Variants in RELN observed in about 807,000 individuals in gnomAD.
RELN encodes the protein reelin.
RELN carries 108 observed loss-of-function variants against 427.6 expected under a neutral mutation model. That is an observed-to-expected ratio of 0.25 (90% CI 0.22 to 0.30). The LOEUF is 0.30. Among genes scored for constraint, RELN ranks in the 10% least tolerant of loss-of-function variants. The pLI, the probability that RELN is intolerant of heterozygous loss-of-function variation, is 1.00. For synonymous variants in RELN, 1,524 were observed against 1,513.4 expected (o/e 1.01, Z -0.16); for missense variants, 3,715 against 4,302.8 (o/e 0.86, Z 3.82).
At chr7:103,786,278 T>A (rs974290263) in intron 3 of RELN, among the ~76,000 whole-genome samples, 1 of 151,946 alleles carries the variant, frequency 6.6e-6, no homozygotes, top group African/African-American at 2.4e-5. Flanking sequence ...CATATACCCT[T>A]GTAGTTTTTA....
intron 8 of RELN, among the ~76,000 whole-genome samples, chr7:103,718,392 T>C (rs554262332): frequency 6.7e-6 from 1 of 150,190 alleles, no homozygotes; most frequent in African/African-American, 2.4e-5. Flanking sequence ...GTTTAGGACA[T>C]CTGTAAGTAA....
rs146891531 is a variant in RELN, at chr7:103,899,248, G to C, written c.337+17827C>G. On this transcript the variant is annotated intron_variant, in intron 2 of 64. Coordinates refer to ENST00000428762, the MANE Select transcript of RELN (RefSeq NM_005045.4). ...CCTCCCAAGACTAAACCAGGAAGAAGTAGAATCCCTGAATAAACCACAAAC... is the reference window on the plus strand; with the variant it reads ...CCTCCCAAGACTAAACCAGGAAGAACTAGAATCCCTGAATAAACCACAAAC... 2.1e-3 allele frequency among the ~76,000 whole-genome samples: 317 copies of C among 152,150 alleles called. 1 individual carries two copies. Among genetic ancestry groups the C allele is most frequent in the African/African-American group, 6.9e-3 (286 of 41,514 alleles).
chr7:103,659,435 C>T (rs529302892), intron 12 of RELN, among the ~76,000 whole-genome samples: 28 of 152,214 alleles, frequency 1.8e-4, no homozygotes, highest in Admixed American at 1.7e-3. Flanking sequence ...TTTCTAGTTC[C>T]ATCTTACGTG....
chr7:103,668,013 T>C (rs1269631630), intron 11 of RELN, among the ~76,000 whole-genome samples: 4 of 152,204 alleles, frequency 2.6e-5, no homozygotes, highest in Non-Finnish European at 4.4e-5. Flanking sequence ...GCGGATCACT[T>C]GAGGCCAGGA....
At chr7:103,591,401 T>TTA (rs1347165959) in intron 27 of RELN, among the ~76,000 whole-genome samples, 3 of 152,194 alleles carry the variant, frequency 2.0e-5, no homozygotes, top group Non-Finnish European at 2.9e-5. Context: ...TAAGGCAGCT[T>TTA]TATCTAGTTT....
chr7:103,524,631 C>T (rs988700276), intron 46 of RELN, among the ~76,000 whole-genome samples: 8 of 152,044 alleles, frequency 5.3e-5, no homozygotes, highest in African/African-American at 1.9e-4. Flanking sequence ...ATTAAGAGAC[C>T]GTTAATCATT....
Position 103,819,461 on chromosome 7 carries a change from A to G in RELN, c.473+14076T>C, listed in dbSNP as rs568170457. The stretch of plus-strand genomic sequence containing the variant: ...CCAGATATAATACAACCCTTGGATT[A>G]AACAACTTAACTGTTTAAATAAAAG... On this transcript the variant is annotated intron_variant, in intron 3 of 64. Coordinates refer to ENST00000428762, the MANE Select transcript of RELN (RefSeq NM_005045.4). 9.2e-5 allele frequency among the ~76,000 whole-genome samples: 14 copies of G among 152,224 alleles called. No individual in the cohort carries two copies. In the South Asian group the frequency reaches 2.1e-3, roughly 23 times the overall value.
rs549566696 is a variant in RELN, at chr7:103,749,353, G to A, written c.656+73C>T. On this transcript the variant is annotated intron_variant, in intron 6 of 64. Coordinates refer to ENST00000428762, the MANE Select transcript of RELN (RefSeq NM_005045.4). The stretch of plus-strand genomic sequence containing the variant: ...AAGATCAACTTAATTTTAAGTAACT[G>A]CTCCTTAAAGGAGCAGTCAGCATCA... 2,329 of 1,143,802 alleles carry A rather than the reference G, an allele frequency of 2.0e-3. 5 individuals are homozygous for A. Among genetic ancestry groups the A allele is most frequent in the Non-Finnish European group, 2.5e-3 (1,903 of 751,538 alleles). 70.9% of individuals were successfully genotyped at this position (1,143,802 alleles called of 1,614,324 possible). A position where few individuals can be genotyped will look rare whatever the true frequency, so the allele number is the denominator to read the frequency against.
chr7:103,476,663 G>T, intron 64 of RELN: 2 of 280,292 alleles, frequency 7.1e-6, no homozygotes, highest in Non-Finnish European at 7.6e-6. Context: ...ATACTAAAAT[G>T]CTGTCTGCCT....
intron 50 of RELN, among the ~76,000 whole-genome samples, chr7:103,511,481 A>G (rs1460799457): frequency 6.6e-6 from 1 of 152,096 alleles, no homozygotes; most frequent in Non-Finnish European, 1.5e-5. Context: ...GTTAACTACT[A>G]CTCACATTCT....
intron 51 of RELN, among the ~76,000 whole-genome samples, chr7:103,508,253 A>G (rs1829282874): frequency 6.6e-6 from 1 of 152,236 alleles, no homozygotes; most frequent in South Asian, 2.1e-4. Context: ...TCAGGCCAAT[A>G]TCCCTTATGA....
intron 22 of RELN, among the ~76,000 whole-genome samples, chr7:103,606,598 T>G (rs927882632): frequency 6.6e-6 from 1 of 152,198 alleles, no homozygotes; most frequent in African/African-American, 2.4e-5. Context: ...TACAGTTACA[T>G]GCCTATAAAA....
intron 11 of RELN, among the ~76,000 whole-genome samples, chr7:103,672,094 T>A (rs1030010016): frequency 6.6e-6 from 1 of 152,194 alleles, no homozygotes; most frequent in African/African-American, 2.4e-5. Context: ...ATGCTTAAAC[T>A]GTTCCGAAGA....
At chr7:103,703,302 T>A (rs914645247) in intron 8 of RELN, among the ~76,000 whole-genome samples, 1 of 152,158 alleles carries the variant, frequency 6.6e-6, no homozygotes, top group African/African-American at 2.4e-5. Context: ...TATGTATAAC[T>A]AGGTAAGCTT....
chr7:103,478,622 T>A (rs1021612586), intron 63 of RELN: 3 of 481,942 alleles, frequency 6.2e-6, no homozygotes, highest in Admixed American at 3.5e-5. Context: ...TATTTGCTCA[T>A]AACCATATGT....
Position 103,562,764 on chromosome 7 carries a change from T to A in RELN, c.5211-811A>T, listed in dbSNP as rs116504644. On this transcript the variant is annotated intron_variant, in intron 34 of 64. Coordinates refer to ENST00000428762, the MANE Select transcript of RELN (RefSeq NM_005045.4). ...TGACACAGCTGTCAGCATGGTGGCT[T>A]TAACATGGAAACCTAATCACAGCAA... Among the ~76,000 whole-genome samples the A allele has an allele frequency of 4.6e-3, 706 of 152,286 alleles. 7 individuals carry two copies. The highest frequency in any genetic ancestry group is 0.016 in the African/African-American group (657 of 41,554).
chr7:103,744,737 G>C (rs1432699462), intron 6 of RELN, among the ~76,000 whole-genome samples: 1 of 152,152 alleles, frequency 6.6e-6, no homozygotes, highest in Non-Finnish European at 1.5e-5. Flanking sequence ...TCTCTGAATA[G>C]ACCAATAACA....
chr7:103,756,192 C>T (rs3819476), intron 4 of RELN, among the ~76,000 whole-genome samples: 11,347 of 152,190 alleles, frequency 0.075, 479 homozygotes, highest in East Asian at 0.15. Flanking sequence ...GGACATCTAC[C>T]TTTGCTAAAT....
intron 64 of RELN, among the ~76,000 whole-genome samples, chr7:103,473,626 C>G (rs1827932825): frequency 6.6e-6 from 1 of 152,158 alleles, no homozygotes; most frequent in Admixed American, 6.5e-5. Context: ...TATGTACATA[C>G]ACACATTTAT....
Sources: gnomAD v4.1 joint callset for allele counts (sites outside exome capture counted in the v4.1 genomes callset) on GRCh38, gnomAD v4.1.1 for gene constraint, MANE v1.5 for transcripts, NCBI Gene and HGNC (gene_info 2026-07-23, HGNC 2026-07-21) for gene names.